The following EFR3B variants were observed in gnomAD, a reference collection of about 807,000 sequenced individuals.
EFR3B encodes EFR3 homolog B.
In EFR3B, 64 loss-of-function variants were observed where a neutral mutation model predicts 104.7. The observed-to-expected ratio is 0.61, with a 90% CI of 0.50 to 0.75. The LOEUF (loss-of-function observed/expected upper bound fraction) is 0.75. Among genes scored for constraint, EFR3B ranks in the 30% least tolerant of loss-of-function variants. The probability of loss-of-function intolerance (pLI) is 0.00; values close to 1 mark genes in which losing one functional copy is unlikely to be tolerated. For missense variants in EFR3B, 750 were observed against 1,078.5 expected, an observed-to-expected ratio of 0.70 and a Z score of 4.27; for synonymous variants, 385 against 417.9, an observed-to-expected ratio of 0.92 and a Z score of 0.96.
intron 1 of EFR3B, among the ~76,000 whole-genome samples, chr2:25,070,418 C>T (rs1412220963): frequency 3.9e-5 from 6 of 152,114 alleles, no homozygotes; most frequent in East Asian, 1.9e-4. Flanking sequence ...CATGCCACCA[C>T]GCCCGGCTAA....
At position 25,130,439 on chromosome 2, in the gene EFR3B, C is replaced by A. The variant is rs1371114363; in HGVS notation, c.771-113C>A. The A allele has an allele frequency of 1.0e-6, 1 of 1,004,916 alleles. No homozygotes were observed. Among genetic ancestry groups the A allele is most frequent in the East Asian group, 2.6e-5 (1 of 38,430 alleles). 62.2% of individuals were successfully genotyped at this position (1,004,916 alleles called of 1,614,324 possible). ...GCCCTTCAGGCTTCACTTCCTCACC[C>A]GGGAACTGTGCGAGGGGCTCTGAGA... On this transcript the variant is annotated intron_variant, in intron 7 of 22. Transcript: ENST00000403714. This position sits in a 1 kb window ranked among gnomAD's most constrained non-coding sequence, Gnocchi z 4.6.
chr2:25,070,152 C>G (rs1003183434), intron 1 of EFR3B, among the ~76,000 whole-genome samples: 1 of 152,242 alleles, frequency 6.6e-6, no homozygotes, highest in Non-Finnish European at 1.5e-5. Flanking sequence ...CTTGTTTTAG[C>G]TAGTCCTCAA....
chr2:25,111,404 C>T (rs538040406), intron 4 of EFR3B, among the ~76,000 whole-genome samples: 16 of 151,228 alleles, frequency 1.1e-4, no homozygotes, highest in South Asian at 8.4e-4. Context: ...CCTGGGATCA[C>T]GCCCATTTCT....
Position 25,141,420 on chromosome 2 carries a change from G to T in EFR3B, c.1909G>T (p.Val637Leu). ...ATACATGCTCCCCGAGGATGTGTTT[G>T]TGGAGAGGCCCAGGTGAGGAGAGGA... Reference protein sequence around the residue: ...APYMLPEDVFVERPRLSQNLD... With the variant: ...APYMLPEDVFLERPRLSQNLD... The change falls in exon 17 of 23, where the codon GTG becomes TTG. Residue 637 changes from valine to leucine, a missense_variant. By Grantham distance (32) the Val-to-Leu change is conservative (BLOSUM62 1). Transcript: ENST00000403714. 2 of 1,551,484 alleles carry T rather than the reference G, an allele frequency of 1.3e-6. No individual in the cohort carries two copies. Among genetic ancestry groups the T allele is most frequent in the South Asian group, 2.4e-5 (2 of 84,042 alleles).
At position 25,120,984 on chromosome 2, in the gene EFR3B, CTCCA is replaced by C. The variant is rs1558610087; in HGVS notation, c.364-688_364-685del. Among the ~76,000 whole-genome samples the C allele has an allele frequency of 1.3e-5, 2 of 151,616 alleles. 1 individual carries two copies. Among genetic ancestry groups the C allele is most frequent in the Admixed American group, 1.3e-4 (2 of 15,238 alleles). On this transcript the variant is annotated intron_variant, in intron 4 of 22. Coordinates refer to ENST00000403714, the MANE Select transcript of EFR3B (RefSeq NM_014971.2). ...TGGTGTGATCTCGGCTCACTACAAC[CTCCA>C]CCTCCCGGGTTCAAGCAATTCTCTT...
intron 4 of EFR3B, among the ~76,000 whole-genome samples, chr2:25,118,305 A>G (rs1306179080): frequency 2.6e-5 from 4 of 152,184 alleles, no homozygotes; most frequent in Admixed American, 6.5e-5. Context: ...TAGATTGCAC[A>G]TATGAGTGAG....
chr2:25,088,939 G>T lies in EFR3B; in HGVS notation c.8-2386G>T, dbSNP rs1307575402. Among the ~76,000 whole-genome samples the T allele has an allele frequency of 3.3e-5, 5 of 152,288 alleles. No homozygotes were observed. The East Asian group carries it at 9.7e-4, about 29-fold the overall frequency. ...AGGCCTTCTTACCTCCTTTCTACTGGTGCAGAAAGGCCCTGGGGCCCTGCC... is the reference window on the plus strand; with the variant it reads ...AGGCCTTCTTACCTCCTTTCTACTGTTGCAGAAAGGCCCTGGGGCCCTGCC... On this transcript the variant is annotated intron_variant, in intron 1 of 22. Coordinates refer to ENST00000403714, the MANE Select transcript of EFR3B (RefSeq NM_014971.2).
chr2:25,097,282 G>C (rs773315311), intron 3 of EFR3B, among the ~76,000 whole-genome samples: 10 of 152,186 alleles, frequency 6.6e-5, no homozygotes, highest in Non-Finnish European at 1.2e-4. Context: ...TAAACATTTG[G>C]AGAAGAAAAA....
intron 17 of EFR3B, among the ~76,000 whole-genome samples, 153 bp from the exon 18 acceptor site, chr2:25,143,582 C>T (rs1670734082): frequency 6.6e-6 from 1 of 152,192 alleles, no homozygotes; most frequent in Non-Finnish European, 1.5e-5. Flanking sequence ...ATCGCTTGAA[C>T]CTGGAAGGCG....
intron 5 of EFR3B, among the ~76,000 whole-genome samples, chr2:25,126,153 G>A (rs1319455996): frequency 1.3e-5 from 2 of 152,150 alleles, no homozygotes; most frequent in Non-Finnish European, 2.9e-5. Context: ...CAGGGGGTGG[G>A]GGCAGTTATT....
At chr2:25,126,276 C>A (rs1670165450) in intron 5 of EFR3B, among the ~76,000 whole-genome samples, 2 of 152,258 alleles carry the variant, frequency 1.3e-5, no homozygotes, top group Middle Eastern at 3.4e-3. Flanking sequence ...GCAACCTTTG[C>A]CTCCCAGGCT....
chr2:25,133,322 G>T, intron 11 of EFR3B, 61 bp from the exon 12 acceptor site: 18 of 1,510,310 alleles, frequency 1.2e-5, no homozygotes, highest in Admixed American at 7.9e-5. Flanking sequence ...AACTAAGCTG[G>T]CAAGTGTGTG....
chr2:25,042,277 G>C lies in EFR3B; in HGVS notation c.-36G>C. ...GAGGGCTGGCTGGGAACGCCGCAGC[G>C]ACGCCGGCCTCTCGAGAGGCGCGCG... is the stretch of plus-strand genomic sequence containing the variant. On this transcript the variant is annotated 5_prime_UTR_variant, in exon 1 of 23. Transcript: ENST00000403714. The surrounding 1 kb of genome is among the most constrained non-coding windows in gnomAD (Gnocchi z 5.4). 7.6e-7 allele frequency: 1 copy of C among 1,309,994 alleles called. No individual in the cohort carries two copies. The highest frequency in any genetic ancestry group is 9.7e-7 in the Non-Finnish European group (1 of 1,029,794). 81.1% of individuals were successfully genotyped at this position (1,309,994 alleles called of 1,614,324 possible).
intron 1 of EFR3B, among the ~76,000 whole-genome samples, chr2:25,074,519 T>G (rs1344132405): frequency 6.6e-6 from 1 of 150,830 alleles, no homozygotes; most frequent in Non-Finnish European, 1.5e-5. Flanking sequence ...GAGCCAAGTT[T>G]GCGCCACTGC....
At chr2:25,129,408 C>G (rs563306022) in intron 6 of EFR3B, among the ~76,000 whole-genome samples, 2 of 151,184 alleles carry the variant, frequency 1.3e-5, no homozygotes, top group African/African-American at 4.9e-5. Flanking sequence ...GTGGCTGTTT[C>G]TGGAATAGCA....
intron 4 of EFR3B, among the ~76,000 whole-genome samples, chr2:25,110,721 A>G (rs1573209922): frequency 6.6e-6 from 1 of 152,256 alleles, no homozygotes; most frequent in Non-Finnish European, 1.5e-5. Flanking sequence ...TCTCCTGCAT[A>G]ACTACGAAAT....
Position 25,130,812 on chromosome 2 carries a change from C to G in EFR3B, c.849+182C>G, listed in dbSNP as rs1412840839. On this transcript the variant is annotated intron_variant, in intron 8 of 22. Coordinates refer to ENST00000403714, the MANE Select transcript of EFR3B (RefSeq NM_014971.2). The surrounding 1 kb of genome is among the most constrained non-coding windows in gnomAD (Gnocchi z 4.6). ...GGCTGATTTTATTTCCAGTACATCA[C>G]AGACCAATACTTTTATAAAATACAA... Among the ~76,000 whole-genome samples, 18 of 152,234 alleles carry G rather than the reference C, an allele frequency of 1.2e-4. No individual in the cohort carries two copies. Among genetic ancestry groups the G allele is most frequent in the Admixed American group, 9.8e-4 (15 of 15,282 alleles).
Position 25,042,788 on chromosome 2 carries a change from G to A in EFR3B, c.7+469G>A. The A allele has an allele frequency of 2.8e-6, 2 of 718,104 alleles. No homozygotes were observed. The highest frequency in any genetic ancestry group is 3.4e-6 in the Non-Finnish European group (2 of 585,184). The allele number at this position is 718,104 out of a possible 1,614,324, so 44.5% of individuals were successfully genotyped here. ...CGCCGGCGGCGCAGAGGCCCGGGGA[G>A]CAGCCAGTGGCCGAGTCTCGTCTCG... On this transcript the variant is annotated intron_variant, in intron 1 of 22. Transcript: ENST00000403714. This position sits in a 1 kb window ranked among gnomAD's most constrained non-coding sequence, Gnocchi z 5.4.
Position 25,131,904 on chromosome 2 carries a change from G to A in EFR3B, c.1140G>A (p.Lys380=), listed in dbSNP as rs1670348452. ...EERMFQEAVI[K]TVGSFASTLP... ...GCATGTTCCAGGAGGCCGTCATCAA[G>A]ACCGTGGGTGCGGCGCGGGGCCGGG... Residue 380 remains lysine (K), a synonymous_variant, in exon 10 of 23, where the codon AAG becomes AAA. Transcript: ENST00000403714. This position sits in a 1 kb window ranked among gnomAD's most constrained non-coding sequence, Gnocchi z 7.6. 1 of 1,480,750 alleles carries A rather than the reference G, an allele frequency of 6.8e-7. No homozygotes were observed. The highest frequency in any genetic ancestry group is 9.0e-7 in the Non-Finnish European group (1 of 1,107,072). The allele number at this position is 1,480,750 out of a possible 1,614,324, so 91.7% of individuals were successfully genotyped here.
Sources: allele counts gnomAD v4.1 joint callset (sites outside exome capture counted in the v4.1 genomes callset), GRCh38; gene constraint gnomAD v4.1.1; non-coding constraint Gnocchi (gnomAD v3.1); transcripts MANE v1.5; gene names NCBI Gene and HGNC (gene_info 2026-07-23, HGNC 2026-07-21).